The following TP53BP1 variants were observed in gnomAD, a reference collection of about 807,000 sequenced individuals.
TP53BP1 encodes tumor protein p53 binding protein 1.
Under a neutral mutation model 200.8 loss-of-function variants are expected in TP53BP1, and 61 were observed. The observed-to-expected ratio is 0.30, with a 90% confidence interval of 0.25 to 0.38. The LOEUF (loss-of-function observed/expected upper bound fraction) is 0.38, where lower values mean the gene tolerates loss of function less well. Ranked by LOEUF, TP53BP1 falls within the 10% of genes least tolerant of loss-of-function variation. The pLI is 1.00. For synonymous variants in TP53BP1, 822 were observed against 844.3 expected (o/e 0.97, Z 0.46); for missense variants, 2,144 against 2,371.9 (o/e 0.90, Z 2.00).
At chr15:43,486,697 C>T (rs964910629) in intron 4 of TP53BP1, among the ~76,000 whole-genome samples, 2 of 152,118 alleles carry the variant, frequency 1.3e-5, no homozygotes, top group Non-Finnish European at 2.9e-5. Flanking sequence ...AATCACGGCT[C>T]GCTGCAACCT....
chr15:43,482,908 C>G (rs768397717), intron 4 of TP53BP1, among the ~76,000 whole-genome samples: 1 of 152,034 alleles, frequency 6.6e-6, no homozygotes, highest in Admixed American at 6.6e-5. Flanking sequence ...CCAGCCTGGG[C>G]AACAGAAAAA....
At chr15:43,485,261 C>G (rs193222656) in intron 4 of TP53BP1, among the ~76,000 whole-genome samples, 33 of 152,266 alleles carry the variant, frequency 2.2e-4, no homozygotes, top group African/African-American at 7.9e-4. Flanking sequence ...CCAAGAACAC[C>G]TGGCACACAG....
intron 11 of TP53BP1, among the ~76,000 whole-genome samples, 155 bp downstream of exon 11, chr15:43,469,703 C>G (rs689616): frequency 6.6e-6 from 1 of 152,032 alleles, no homozygotes; most frequent in Admixed American, 6.6e-5. Context: ...TCTAAAACTG[C>G]TTTGTGACGA....
Position 43,457,014 on chromosome 15 carries a change from T to C in TP53BP1, c.1594A>G (p.Lys532Glu). 1 of 1,614,218 alleles carries C rather than the reference T, an allele frequency of 6.2e-7. No homozygotes were observed. The highest frequency in any genetic ancestry group is 1.1e-5 in the South Asian group (1 of 91,092). Residue 532 changes from lysine (K) to glutamate (E), a missense_variant, in exon 12 of 28, where the codon AAG becomes GAG. Lys to Glu is a moderately conservative substitution (Grantham distance 56). Coordinates refer to ENST00000382044, the MANE Select transcript of TP53BP1 (RefSeq NM_001141980.3). ...CTGTGAGAACTCAAGCTCTCCATCT[T>C]TGGGGACTGACTATATTCACTTGTA... The part of the protein sequence containing the change: ...LSTSEYSQSP[K>E]MESLSSHRID...
At chr15:43,486,381 AAAAC>A (rs2140141889) in intron 4 of TP53BP1, among the ~76,000 whole-genome samples, 1 of 152,276 alleles carries the variant, frequency 6.6e-6, no homozygotes, top group South Asian at 2.1e-4. Context: ...GTCTCAAAAT[AAAAC>A]AAACAAATAA....
chr15:43,423,427 G>A (rs2045451307), intron 18 of TP53BP1, among the ~76,000 whole-genome samples: 1 of 151,880 alleles, frequency 6.6e-6, no homozygotes, highest in South Asian at 2.1e-4. Context: ...GGAGGCAGAG[G>A]CAGGTGGATC....
chr15:43,428,795 T>C (rs1566927659), intron 17 of TP53BP1, among the ~76,000 whole-genome samples: 1 of 152,210 alleles, frequency 6.6e-6, no homozygotes, highest in African/African-American at 2.4e-5. Context: ...AGATTTTATA[T>C]CTAGTTCTAC....
chr15:43,457,933 G>A (rs1199195715), intron 11 of TP53BP1, among the ~76,000 whole-genome samples: 1 of 151,436 alleles, frequency 6.6e-6, no homozygotes, highest in Non-Finnish European at 1.5e-5. Context: ...GCAGAAGAAT[G>A]GCTTGAACCG....
chr15:43,420,135 G>A (rs1410426204), intron 21 of TP53BP1, among the ~76,000 whole-genome samples, 170 bp downstream of exon 21: 1 of 152,088 alleles, frequency 6.6e-6, no homozygotes, highest in Non-Finnish European at 1.5e-5. Flanking sequence ...AAAAACAAAT[G>A]AACAAACAGA....
chr15:43,427,012 T>G (rs931082257), intron 18 of TP53BP1, among the ~76,000 whole-genome samples: 4 of 139,460 alleles, frequency 2.9e-5, no homozygotes, highest in Admixed American at 7.8e-5. Context: ...AGCAAGACTC[T>G]GCCTCAAAAA....
intron 1 of TP53BP1, among the ~76,000 whole-genome samples, chr15:43,500,782 C>T (rs750608669): frequency 6.6e-6 from 1 of 152,086 alleles, no homozygotes; most frequent in Non-Finnish European, 1.5e-5. Context: ...AATCACGCTG[C>T]TGCACTCCAG....
At chr15:43,434,246 A>G (rs2045739152) in intron 16 of TP53BP1, among the ~76,000 whole-genome samples, 1 of 152,200 alleles carries the variant, frequency 6.6e-6, no homozygotes, top group Non-Finnish European at 1.5e-5. Flanking sequence ...TATGTAAAAT[A>G]TTGAGCATAG....
At chr15:43,416,049 T>G (rs1379333307) in intron 22 of TP53BP1, among the ~76,000 whole-genome samples, 176 bp downstream of exon 22, 4 of 152,178 alleles carry the variant, frequency 2.6e-5, no homozygotes, top group African/African-American at 9.7e-5. Flanking sequence ...TGTTTGGTAC[T>G]AAGAAGGAAA....
rs964165524 is a variant in TP53BP1, at chr15:43,456,675, T to C, written c.1933A>G (p.Ser645Gly). 1.2e-5 allele frequency: 20 copies of C among 1,614,020 alleles called. No individual in the cohort carries two copies. The highest frequency in any genetic ancestry group is 1.6e-5 in the Non-Finnish European group (19 of 1,180,042). Residue 645 changes from serine to glycine, a missense_variant, in exon 12 of 28, where the codon AGT becomes GGT. Ser to Gly is a moderately conservative substitution (Grantham distance 56, BLOSUM62 0). Coordinates refer to ENST00000382044, the MANE Select transcript of TP53BP1 (RefSeq NM_001141980.3). Reference protein sequence around the residue: ...SPATRSEALSSVLDQEEAMEI... With the variant: ...SPATRSEALSGVLDQEEAMEI... ...ATAGCTTCCTCCTGATCTAACACAC[T>C]AGAAAGTGCCTCAGATCGAGTAGCT...
At chr15:43,499,031 A>C (rs1163323670) in intron 1 of TP53BP1, among the ~76,000 whole-genome samples, 1 of 152,056 alleles carries the variant, frequency 6.6e-6, no homozygotes, top group Non-Finnish European at 1.5e-5. Flanking sequence ...AAAAAAAAAA[A>C]ACAAAACAAA....
intron 10 of TP53BP1, among the ~76,000 whole-genome samples, chr15:43,473,181 CAA>C (rs1340322392): frequency 6.6e-6 from 1 of 152,108 alleles, no homozygotes; most frequent in African/African-American, 2.4e-5. Context: ...AGCGTGGACC[CAA>C]AGAGTGAGCA....
intron 4 of TP53BP1, among the ~76,000 whole-genome samples, chr15:43,483,247 C>CACACAA (rs2078999455): frequency 6.7e-6 from 1 of 148,696 alleles, no homozygotes; most frequent in African/African-American, 2.6e-5. Flanking sequence ...CACACACACA[C>CACACAA]ACACACACAC....
chr15:43,478,527 G>A (rs34181131), intron 7 of TP53BP1, among the ~76,000 whole-genome samples: 26,561 of 152,100 alleles, frequency 0.17, 2,496 homozygotes, highest in Middle Eastern at 0.27. Context: ...TCCCAAACTG[G>A]AAGCATCCCA....
rs1008410041 is a variant in TP53BP1 at position 43,504,954 on chromosome 15, A to G, written c.-9+5416T>C. 3.3e-5 allele frequency among the ~76,000 whole-genome samples: 5 copies of G among 152,174 alleles called. No individual in the cohort carries two copies. In the East Asian group the frequency reaches 7.7e-4, roughly 23 times the overall value. ...AGAATTGCTTGAACCTGGCAGGCGG[A>G]GGTTGCAGTGAGCCGAGATCGTGCC... On this transcript the variant is annotated intron_variant, in intron 1 of 27. Transcript: ENST00000263801.
Sources: allele counts gnomAD v4.1 joint callset (sites outside exome capture counted in the v4.1 genomes callset), GRCh38; gene constraint gnomAD v4.1.1; transcripts MANE v1.5; gene names NCBI Gene and HGNC (gene_info 2026-07-23, HGNC 2026-07-21).